C12orf57: variants seen among roughly 807,000 people sequenced by gnomAD.
C12orf57 encodes protein C10.
In C12orf57, 14 loss-of-function variants were observed where a neutral mutation model predicts 11.3. That is an observed-to-expected ratio of 1.24 (90% confidence interval 0.82 to 1.94). The LOEUF (loss-of-function observed/expected upper bound fraction) is 1.94, where lower values mean the gene tolerates loss of function less well. Among genes scored for constraint, C12orf57 ranks in the 30% most tolerant of loss-of-function variants. C12orf57 has a pLI of 0.00. For missense variants in C12orf57, 229 were observed against 172.4 expected, an observed-to-expected ratio of 1.33 and a Z score of -1.84; for synonymous variants, 100 against 74.6, an observed-to-expected ratio of 1.34 and a Z score of -1.76.
chr12:6,944,462 C>G lies in C12orf57; in HGVS notation c.53-14C>G, dbSNP rs782270996. ...CTACCCGGGACGCCTCCCTGGGATGCTTCTGGCGCGCAGTGGTCCTCGCGG... is the reference window on the plus strand; with the variant it reads ...CTACCCGGGACGCCTCCCTGGGATGGTTCTGGCGCGCAGTGGTCCTCGCGG... On this transcript the variant is annotated splice_polypyrimidine_tract_variant and intron_variant, in intron 1 of 2. Coordinates refer to ENST00000229281, the MANE Select transcript of C12orf57 (RefSeq NM_138425.4). The G allele has an allele frequency of 2.4e-5, 39 of 1,609,874 alleles. 1 individual carries two copies. The highest frequency in any genetic ancestry group is 3.1e-5 in the Non-Finnish European group (37 of 1,178,996).
Position 6,945,888 on chromosome 12 carries a change from G to A in C12orf57, c.347G>A (p.Gly116Glu). Residue 116 changes from glycine to glutamate, a missense_variant, in exon 3 of 3, where the codon GGG becomes GAG. Gly to Glu is a moderately conservative substitution (Grantham distance 98). Transcript: ENST00000229281. Reference protein sequence around the residue: ...FLPPMTLPPHGPAAGGSVAAS With the variant: ...FLPPMTLPPHEPAAGGSVAAS Reference sequence around the variant, plus strand: ...CCGCCCATGACCCTGCCACCCCATGGGCCTGCTGCTGGTGGCAGCGTGGCC... The same window carrying A: ...CCGCCCATGACCCTGCCACCCCATGAGCCTGCTGCTGGTGGCAGCGTGGCC... 1 of 1,613,346 alleles carries A rather than the reference G, an allele frequency of 6.2e-7. No homozygotes were observed. Among genetic ancestry groups the A allele is most frequent in the Non-Finnish European group, 8.5e-7 (1 of 1,179,880 alleles).
chr12:6,944,222 A>C, intron 1 of C12orf57, 49 bp downstream of exon 1: 2 of 1,592,782 alleles, frequency 1.3e-6, no homozygotes, highest in East Asian at 2.2e-5. Flanking sequence ...GGGGTAGTCA[A>C]GGCATGGGCT....
intron 2 of C12orf57, 144 bp downstream of exon 2, chr12:6,944,796 T>TAA: frequency 6.6e-7 from 1 of 1,505,404 alleles, no homozygotes; most frequent in Non-Finnish European, 8.9e-7. Flanking sequence ...TTCTTGGCAC[T>TAA]CAGAGCCCAG....
At chr12:6,945,197 C>T (rs1945771184) in intron 2 of C12orf57, 1 of 197,148 alleles carries the variant, frequency 5.1e-6, no homozygotes, top group Admixed American at 5.3e-5. Context: ...TCAACCTGTA[C>T]TGTTAATCAC....
chr12:6,945,684 A>G (rs1555146435), intron 2 of C12orf57, 87 bp from the exon 3 acceptor site: 1 of 1,391,698 alleles, frequency 7.2e-7, no homozygotes, highest in African/African-American at 1.4e-5. Context: ...GTGGGGGAGC[A>G]GTTCATGCTT....
chr12:6,943,883 T>G (rs966749156), upstream of C12orf57: 22 of 1,010,688 alleles, frequency 2.2e-5, no homozygotes, highest in East Asian at 1.7e-4. Context: ...GCCCCTCTTA[T>G]GATGTTTGTT....
upstream of C12orf57, chr12:6,943,671 C>G (rs782461722): frequency 2.2e-5 from 28 of 1,284,296 alleles, no homozygotes; most frequent in Admixed American, 2.4e-5. Context: ...AAGTAAGTTC[C>G]TTAGAATATT....
chr12:6,944,118 C>A lies in C12orf57; in HGVS notation c.-4C>A. 1 of 1,614,190 alleles carries A rather than the reference C, an allele frequency of 6.2e-7. No individual in the cohort carries two copies. ...TCCGCTGAACCTAGAGCTTCAGACG[C>A]CCTATGGCGTCCGCCTCGACCCAAC... On this transcript the variant is annotated 5_prime_UTR_variant, in exon 1 of 3. Coordinates refer to ENST00000229281, the MANE Select transcript of C12orf57 (RefSeq NM_138425.4).
upstream of C12orf57, chr12:6,943,972 T>A: frequency 5.8e-6 from 9 of 1,563,488 alleles, no homozygotes; most frequent in East Asian, 4.5e-5. Flanking sequence ...GCTTGGGGTA[T>A]GAAGGTTTGG....
Position 6,944,512 on chromosome 12 carries a change from CGGAGAA to C in C12orf57, c.90_95del (p.Glu31_Asn32del). On this transcript the variant is annotated inframe_deletion, in exon 2 of 3. Transcript: ENST00000229281. Reference sequence around the variant, plus strand: ...GAGGTGATCCAGGCGTTCTCCGCCCCGGAGAATGCAGTGCGCATGGACGAGGCTCGG... The same window carrying C: ...GAGGTGATCCAGGCGTTCTCCGCCCCTGCAGTGCGCATGGACGAGGCTCGG... The C allele has an allele frequency of 6.2e-7, 1 of 1,613,518 alleles. No individual in the cohort carries two copies. The highest frequency in any genetic ancestry group is 8.5e-7 in the Non-Finnish European group (1 of 1,179,992).
upstream of C12orf57, chr12:6,943,716 G>T: frequency 1.6e-6 from 2 of 1,273,820 alleles, no homozygotes; most frequent in South Asian, 2.6e-5. Flanking sequence ...ATGCGTCGTT[G>T]TTTATACAGT....
intron 2 of C12orf57, among the ~76,000 whole-genome samples, chr12:6,945,560 T>A (rs781928757): frequency 6.6e-6 from 1 of 152,212 alleles, no homozygotes; most frequent in East Asian, 1.9e-4. Flanking sequence ...CCTTGGGACA[T>A]TTTCATTCAC....
upstream of C12orf57, chr12:6,944,015 G>T: frequency 6.2e-7 from 1 of 1,603,776 alleles, no homozygotes; most frequent in Non-Finnish European, 8.5e-7. Flanking sequence ...TGCGCCGGAT[G>T]CTGTTTCCTT....
At chr12:6,944,754 G>A (rs782424873) in intron 2 of C12orf57, 102 bp downstream of exon 2, 3 of 1,563,840 alleles carry the variant, frequency 1.9e-6, no homozygotes, top group African/African-American at 2.7e-5. Context: ...CCCCTTTCTC[G>A]CCACACGGCG....
Position 6,944,561 on chromosome 12 carries a change from CATGGGTAAG to C in C12orf57, c.142_150del (p.Gly48_Met50del). On this transcript the variant is annotated inframe_deletion, in exon 2 of 3. Transcript: ENST00000229281. ...AGGCTCGGGATAACGCCTGCAACGA[CATGGGTAAG>C]ATGCTGCAATTCGTGCTGCCCGTGG... 6.2e-7 allele frequency: 1 copy of C among 1,614,184 alleles called. No individual in the cohort carries two copies. The highest frequency in any genetic ancestry group is 8.5e-7 in the Non-Finnish European group (1 of 1,180,036).
upstream of C12orf57, chr12:6,943,890 T>C (rs782203401): frequency 1.5e-5 from 16 of 1,060,010 alleles, no homozygotes; most frequent in East Asian, 2.7e-5. Flanking sequence ...TTATGATGTT[T>C]GTTGCCAATG....
intron 1 of C12orf57, 115 bp downstream of exon 1, chr12:6,944,288 C>T: frequency 1.3e-6 from 2 of 1,597,782 alleles, no homozygotes; most frequent in Non-Finnish European, 1.7e-6. Context: ...TGGCTACGTC[C>T]GCCGGGAAAA....
At chr12:6,944,281 C>T (rs1432142309) in intron 1 of C12orf57, 108 bp downstream of exon 1, 3 of 1,600,052 alleles carry the variant, frequency 1.9e-6, no homozygotes, top group East Asian at 2.2e-5. Context: ...ACAAACCTGG[C>T]TACGTCCGCC....
upstream of C12orf57, chr12:6,943,859 C>CT (rs1294545980): frequency 7.2e-5 from 68 of 939,088 alleles, 1 homozygote; most frequent in Admixed American, 3.7e-4. Context: ...GGCTTTCTGG[C>CT]TTTTTACCGG....
Sources: gnomAD v4.1 joint callset for allele counts (sites outside exome capture counted in the v4.1 genomes callset) on GRCh38, gnomAD v4.1.1 for gene constraint, MANE v1.5 for transcripts, NCBI Gene and HGNC (gene_info 2026-07-23, HGNC 2026-07-21) for gene names.